Variants in ATP6V0A1 observed in about 807,000 individuals in gnomAD.
The protein encoded by ATP6V0A1 is V-type proton ATPase 116 kDa subunit a 1.
Under a neutral mutation model 105.4 loss-of-function variants are expected in ATP6V0A1, and 43 were observed. The observed-to-expected ratio is 0.41, with a 90% CI of 0.32 to 0.53. The LOEUF (loss-of-function observed/expected upper bound fraction) is 0.53. Ranked by LOEUF, ATP6V0A1 falls within the 20% of genes least tolerant of loss-of-function variation. The probability of loss-of-function intolerance (pLI) is 0.30; values close to 1 mark genes in which losing one functional copy is unlikely to be tolerated. For missense variants in ATP6V0A1, 676 were observed against 1,051.1 expected (o/e 0.64, Z 4.93); for synonymous variants, 362 against 372.8 (o/e 0.97, Z 0.33).
chr17:42,504,887 C>T (rs923107263), intron 17 of ATP6V0A1, among the ~76,000 whole-genome samples: 4 of 152,186 alleles, frequency 2.6e-5, no homozygotes, highest in Admixed American at 6.5e-5. Context: ...ATCTGCCTGT[C>T]TTCTATTGAT....
chr17:42,494,715 A>T (rs770101999), intron 12 of ATP6V0A1: 2 of 522,672 alleles, frequency 3.8e-6, no homozygotes, highest in Non-Finnish European at 6.6e-6. Flanking sequence ...CGAGACCAGC[A>T]TAGGCAACAT....
intron 21 of ATP6V0A1, among the ~76,000 whole-genome samples, chr17:42,516,582 G>C (rs1280708639): frequency 4.6e-5 from 7 of 152,174 alleles, no homozygotes; most frequent in Non-Finnish European, 1.0e-4. Flanking sequence ...TGTCTCTTGA[G>C]CCCTGGGTTT....
chr17:42,501,022 G>T (rs2091625621), intron 16 of ATP6V0A1, 99 bp downstream of exon 16: 1 of 1,333,240 alleles, frequency 7.5e-7, no homozygotes, highest in African/African-American at 1.5e-5. Context: ...CCCTTCTATG[G>T]GACAATTCTA....
At chr17:42,467,372 A>G (rs1322980575) in intron 3 of ATP6V0A1, among the ~76,000 whole-genome samples, 2 of 152,200 alleles carry the variant, frequency 1.3e-5, no homozygotes, top group Non-Finnish European at 2.9e-5. Context: ...CTCTGGCTCA[A>G]AAGTCCATGA....
chr17:42,514,537 C>A, intron 21 of ATP6V0A1, 77 bp downstream of exon 21: 2 of 1,400,894 alleles, frequency 1.4e-6, no homozygotes, highest in Non-Finnish European at 1.9e-6. Flanking sequence ...TTTTCTCCCA[C>A]ACACAGCCCT....
Position 42,468,115 on chromosome 17 carries a change from C to T in ATP6V0A1, c.294+8C>T. On this transcript the variant is annotated splice_region_variant and intron_variant, in intron 4 of 21. Transcript: ENST00000343619. ...GACATGATTGACTTAGAGGTAAACA[C>T]TTCTGGGAAAACCAGAAAAGTTTCT... The T allele has an allele frequency of 6.5e-7, 1 of 1,548,382 alleles. No individual in the cohort carries two copies. Among genetic ancestry groups the T allele is most frequent in the Non-Finnish European group, 8.7e-7 (1 of 1,143,174 alleles).
chr17:42,519,553 C>T (rs1377072988), intron 21 of ATP6V0A1: 1 of 152,256 alleles, frequency 6.6e-6, no homozygotes, highest in Non-Finnish European at 1.5e-5. Flanking sequence ...GAATTCAAAC[C>T]TAACACAAGT....
intron 14 of ATP6V0A1, chr17:42,495,990 T>G: frequency 3.7e-6 from 1 of 267,652 alleles, no homozygotes; most frequent in Non-Finnish European, 7.1e-6. Flanking sequence ...GAGAATCGCT[T>G]GAACCTGGGA....
intron 5 of ATP6V0A1, among the ~76,000 whole-genome samples, chr17:42,473,132 ATATT>A (rs1441907088): frequency 1.3e-5 from 2 of 152,194 alleles, no homozygotes; most frequent in Non-Finnish European, 1.5e-5. Context: ...GAAGGTACAA[ATATT>A]TATTTAGTTT....
chr17:42,508,638 TC>T, intron 19 of ATP6V0A1, 49 bp downstream of exon 19: 1 of 1,612,334 alleles, frequency 6.2e-7, no homozygotes, highest in Non-Finnish European at 8.5e-7. Context: ...GCTTCTCTCT[TC>T]CCATCCTTGT....
chr17:42,473,415 C>T (rs772642150), intron 5 of ATP6V0A1, among the ~76,000 whole-genome samples: 9 of 152,168 alleles, frequency 5.9e-5, no homozygotes, highest in Non-Finnish European at 1.2e-4. Flanking sequence ...AAGACATGGT[C>T]CCTGTGTTTA....
At chr17:42,515,514 G>A (rs952133096) in intron 21 of ATP6V0A1, among the ~76,000 whole-genome samples, 12 of 150,246 alleles carry the variant, frequency 8.0e-5, no homozygotes, top group African/African-American at 2.2e-4. Flanking sequence ...GGCCAGGCAC[G>A]GTGGTTCACT....
intron 18 of ATP6V0A1, 70 bp downstream of exon 18, chr17:42,507,697 G>C: frequency 8.1e-7 from 1 of 1,232,684 alleles, no homozygotes; most frequent in Non-Finnish European, 1.2e-6. Flanking sequence ...TACCTAAGAG[G>C]CCTCACTCCA....
intron 15 of ATP6V0A1, among the ~76,000 whole-genome samples, chr17:42,499,342 G>A (rs754331579): frequency 6.6e-6 from 1 of 151,806 alleles, no homozygotes; most frequent in Non-Finnish European, 1.5e-5. Flanking sequence ...GTAGTGGCAC[G>A]CGCCTATATT....
At chr17:42,476,991 T>C (rs2088836991) in intron 5 of ATP6V0A1, among the ~76,000 whole-genome samples, 1 of 152,202 alleles carries the variant, frequency 6.6e-6, no homozygotes, top group Non-Finnish European at 1.5e-5. Context: ...TTAAATCCCA[T>C]GGCTTGGATC....
intron 17 of ATP6V0A1, chr17:42,502,709 C>T (rs2091769813): frequency 6.6e-6 from 1 of 152,636 alleles, no homozygotes; most frequent in African/African-American, 2.4e-5. Context: ...TTCATCCTTC[C>T]ATGTACCCTC....
chr17:42,492,795 C>G (rs1442754658), intron 11 of ATP6V0A1, among the ~76,000 whole-genome samples: 1 of 149,886 alleles, frequency 6.7e-6, no homozygotes, highest in African/African-American at 2.5e-5. Context: ...GTGGAAGGAT[C>G]ACTTAAGGTC....
intron 19 of ATP6V0A1, 160 bp from the exon 20 acceptor site, chr17:42,513,701 C>A: frequency 1.4e-6 from 1 of 695,268 alleles, no homozygotes; most frequent in Non-Finnish European, 2.5e-6. Flanking sequence ...CTGAGCTCAA[C>A]ACTGGGTGCT....
chr17:42,498,195 C>T (rs1389987461), intron 14 of ATP6V0A1, among the ~76,000 whole-genome samples: 2 of 152,056 alleles, frequency 1.3e-5, no homozygotes, highest in African/African-American at 4.8e-5. Flanking sequence ...AGATCATGAA[C>T]ACTGCACTCC....
Sources: gnomAD v4.1 joint callset for allele counts (sites outside exome capture counted in the v4.1 genomes callset) on GRCh38, gnomAD v4.1.1 for gene constraint, MANE v1.5 for transcripts, NCBI Gene and HGNC (gene_info 2026-07-23, HGNC 2026-07-21) for gene names.